The following TGFBR2 variants were observed in gnomAD, a reference collection of about 807,000 sequenced individuals.
The protein encoded by TGFBR2 is TGF-beta receptor type-2.
In TGFBR2, 18 loss-of-function variants were observed where a neutral mutation model predicts 49.0. The ratio of observed to expected loss-of-function variants is 0.37; its 90% CI spans 0.25 to 0.54. The LOEUF (loss-of-function observed/expected upper bound fraction) is 0.54, where lower values mean the gene tolerates loss of function less well. Ranked by LOEUF, TGFBR2 falls within the 20% of genes least tolerant of loss-of-function variation. The pLI, the probability that TGFBR2 is intolerant of heterozygous loss-of-function variation, is 0.85. For synonymous variants in TGFBR2, 282 were observed against 275.9 expected (o/e 1.02, Z -0.22); for missense variants, 525 against 722.6 (o/e 0.73, Z 3.13).
chr3:30,644,470 T>G (rs1698694198), intron 1 of TGFBR2, among the ~76,000 whole-genome samples: 1 of 152,192 alleles, frequency 6.6e-6, no homozygotes, highest in Non-Finnish European at 1.5e-5. Context: ...ATGATAAGAT[T>G]TTTGTAGAAA....
intron 1 of TGFBR2, among the ~76,000 whole-genome samples, chr3:30,615,627 T>C (rs1435392556): frequency 1.3e-5 from 2 of 152,122 alleles, no homozygotes; most frequent in East Asian, 1.9e-4. Flanking sequence ...CCAAAAAATA[T>C]AGGAGAATTA....
At chr3:30,659,898 C>A (rs1189851692) in intron 3 of TGFBR2, among the ~76,000 whole-genome samples, 1 of 151,890 alleles carries the variant, frequency 6.6e-6, no homozygotes, top group African/African-American at 2.4e-5. Context: ...AAAAAAAAGG[C>A]TCAGGGAGGT....
chr3:30,648,457 CA>C (rs1559458184), intron 2 of TGFBR2, among the ~76,000 whole-genome samples: 142 of 143,050 alleles, frequency 9.9e-4, no homozygotes, highest in African/African-American at 3.3e-3. Context: ...CACACACACA[CA>C]CACAAAACTG....
chr3:30,641,365 A>G (rs1698640797), intron 1 of TGFBR2, among the ~76,000 whole-genome samples: 1 of 152,192 alleles, frequency 6.6e-6, no homozygotes, highest in Admixed American at 6.5e-5. Context: ...CTGAGGACCT[A>G]TATCATATAG....
intron 3 of TGFBR2, among the ~76,000 whole-genome samples, chr3:30,662,240 T>C (rs2125423377): frequency 6.6e-6 from 1 of 152,362 alleles, no homozygotes; most frequent in East Asian, 1.9e-4. Flanking sequence ...AATATTGTGA[T>C]TTGATTATGG....
intron 5 of TGFBR2, among the ~76,000 whole-genome samples, chr3:30,687,210 C>T (rs1699637968): frequency 6.6e-6 from 1 of 152,172 alleles, no homozygotes; most frequent in East Asian, 1.9e-4. Context: ...TGAAGGGTTA[C>T]CTCCTCCTTT....
At chr3:30,648,461 C>CACACACACACACAA (rs760495841) in intron 2 of TGFBR2, among the ~76,000 whole-genome samples, 4 of 79,202 alleles carry the variant, frequency 5.1e-5, no homozygotes, top group African/African-American at 1.8e-4. Flanking sequence ...CACACACACA[C>CACACACACACACAA]AAAACTGTGG....
intron 1 of TGFBR2, among the ~76,000 whole-genome samples, chr3:30,620,408 C>T (rs1362181018): frequency 6.6e-6 from 1 of 151,786 alleles, no homozygotes; most frequent in African/African-American, 2.4e-5. Flanking sequence ...TGGCTTTTCA[C>T]CACCAAGTGT....
rs776635150 is a variant in TGFBR2 at position 30,657,716 on chromosome 3, TGAG to T, written c.454+7260_454+7262del. 3.9e-4 allele frequency among the ~76,000 whole-genome samples: 60 copies of T among 152,310 alleles called. No individual in the cohort carries two copies. In the South Asian group the frequency reaches 4.8e-3, roughly 12 times the overall value. The stretch of plus-strand genomic sequence containing the variant: ...TTATCTTTGCCTTTAGCTGGATGAG[TGAG>T]GAGATTTGTACCAACGTCATGTATT... On this transcript the variant is annotated intron_variant, in intron 3 of 6. Coordinates refer to ENST00000295754, the MANE Select transcript of TGFBR2 (RefSeq NM_003242.6).
chr3:30,639,529 A>T (rs1468546590), intron 1 of TGFBR2, among the ~76,000 whole-genome samples: 3 of 152,110 alleles, frequency 2.0e-5, no homozygotes, highest in African/African-American at 7.2e-5. Context: ...CCCCCACAAT[A>T]CCACTATGCT....
rs1196914894 is a variant in TGFBR2, at chr3:30,606,990, C to G, written c.94+13C>G. 1.3e-6 allele frequency: 2 copies of G among 1,579,746 alleles called. No individual in the cohort carries two copies. Among genetic ancestry groups the G allele is most frequent in the Non-Finnish European group, 1.7e-6 (2 of 1,162,564 alleles). On this transcript the variant is annotated intron_variant, in intron 1 of 6. Transcript: ENST00000295754. ...GTTCAGAAGTCGGGTGAGTGGTCCC[C>G]AGCCCGGGCTCGGCGGGGCGCCGGG...
chr3:30,669,110 C>T (rs1220026749), intron 3 of TGFBR2, among the ~76,000 whole-genome samples: 4 of 105,818 alleles, frequency 3.8e-5, no homozygotes, highest in Non-Finnish European at 1.8e-5. Context: ...ACCCCGTCTC[C>T]ACTAAAAATA....
chr3:30,649,216 A>C (rs1383987348), intron 2 of TGFBR2, among the ~76,000 whole-genome samples: 1 of 152,192 alleles, frequency 6.6e-6, no homozygotes, highest in Non-Finnish European at 1.5e-5. Context: ...GGTATTTTGC[A>C]TCTAAAAAGG....
At chr3:30,648,811 T>G (rs1218336619) in intron 2 of TGFBR2, among the ~76,000 whole-genome samples, 1 of 152,156 alleles carries the variant, frequency 6.6e-6, no homozygotes, top group South Asian at 2.1e-4. Context: ...ACTGGCACCA[T>G]TCCTGCCTGG....
chr3:30,685,499 A>T (rs1196541106), intron 5 of TGFBR2, among the ~76,000 whole-genome samples: 1 of 152,236 alleles, frequency 6.6e-6, no homozygotes, highest in Admixed American at 6.5e-5. Flanking sequence ...AGAAGGAAGT[A>T]AGAGAAGCAG....
intron 4 of TGFBR2, among the ~76,000 whole-genome samples, chr3:30,673,703 T>C (rs1699380726): frequency 6.6e-6 from 1 of 151,732 alleles, no homozygotes; most frequent in Non-Finnish European, 1.5e-5. Flanking sequence ...ATTTTTACCA[T>C]AAGTCTTGGA....
intron 1 of TGFBR2, among the ~76,000 whole-genome samples, chr3:30,610,877 C>A (rs1005377062): frequency 7.9e-5 from 12 of 152,306 alleles, no homozygotes; most frequent in Middle Eastern, 3.4e-3. Context: ...TTTTCCCAGT[C>A]TATTTGTGTC....
chr3:30,616,716 C>T (rs1003194945), intron 1 of TGFBR2, among the ~76,000 whole-genome samples: 5 of 152,084 alleles, frequency 3.3e-5, no homozygotes, highest in African/African-American at 1.2e-4. Flanking sequence ...TAACAAAAGT[C>T]ATGACAGGTC....
chr3:30,620,962 T>A (rs1282146593), intron 1 of TGFBR2, among the ~76,000 whole-genome samples: 1 of 152,216 alleles, frequency 6.6e-6, no homozygotes, highest in Non-Finnish European at 1.5e-5. Flanking sequence ...ATGAGGCCTT[T>A]CTTACCTGGG....
Sources: allele counts gnomAD v4.1 joint callset (sites outside exome capture counted in the v4.1 genomes callset), GRCh38; gene constraint gnomAD v4.1.1; transcripts MANE v1.5; gene names NCBI Gene and HGNC (gene_info 2026-07-23, HGNC 2026-07-21).